Variants in ZFHX4 observed in about 807,000 individuals in gnomAD.
ZFHX4 encodes zinc finger homeobox protein 4.
Under a neutral mutation model 267.6 loss-of-function variants are expected in ZFHX4, and 56 were observed. The observed-to-expected ratio is 0.21, with a 90% CI of 0.17 to 0.26. The LOEUF is 0.26. ZFHX4 is among the 10% of genes least tolerant of loss of function. The pLI is 1.00. For missense variants in ZFHX4, 4,332 were observed against 4,420.0 expected (o/e 0.98, Z 0.56); for synonymous variants, 1,778 against 1,665.6 (o/e 1.07, Z -1.64).
intron 3 of ZFHX4, among the ~76,000 whole-genome samples, chr8:76,771,149 A>C (rs901244594): frequency 2.0e-5 from 3 of 152,132 alleles, no homozygotes; most frequent in African/African-American, 7.2e-5. Context: ...TGCCTTTATC[A>C]GGTTGGCATA....
At position 76,705,682 on chromosome 8, in the gene ZFHX4, G is replaced by A. The variant is rs758397904; in HGVS notation, c.1594G>A (p.Asp532Asn). The A allele has an allele frequency of 6.2e-7, 1 of 1,613,980 alleles. No homozygotes were observed. Among genetic ancestry groups the A allele is most frequent in the South Asian group, 1.1e-5 (1 of 91,074 alleles). The change falls in exon 2 of 11, where the codon GAC (aspartate) becomes AAC (asparagine). Residue 532 changes from aspartate (D) to asparagine (N), a missense_variant. By Grantham distance (23) the Asp-to-Asn change is conservative. Transcript: ENST00000651372. ...GTCCTCCTCGGCGACTGTTTCTGAT[G>A]ACACAGAAAAGAAAAAACAGACTGC... ...TSSSSATVSD[D>N]TEKKKQTAAV...
At chr8:76,694,791 A>G (rs1807914133) in intron 1 of ZFHX4, among the ~76,000 whole-genome samples, 2 of 149,462 alleles carry the variant, frequency 1.3e-5, no homozygotes, top group African/African-American at 4.9e-5. Flanking sequence ...TACAGTGCAT[A>G]TATTCACAAA....
At chr8:76,711,454 A>G (rs952180675) in intron 3 of ZFHX4, among the ~76,000 whole-genome samples, 1 of 152,144 alleles carries the variant, frequency 6.6e-6, no homozygotes, top group Non-Finnish European at 1.5e-5. Context: ...GCTAGCTACA[A>G]TCAATCTTGC....
intron 3 of ZFHX4, among the ~76,000 whole-genome samples, chr8:76,764,668 A>T (rs769714001): frequency 2.0e-5 from 3 of 152,176 alleles, no homozygotes; most frequent in Admixed American, 6.6e-5. Flanking sequence ...GGACCAGTAC[A>T]TTTCAAAAGT....
intron 3 of ZFHX4, among the ~76,000 whole-genome samples, chr8:76,712,546 C>T (rs1480811212): frequency 1.3e-5 from 2 of 150,522 alleles, no homozygotes; most frequent in Admixed American, 1.3e-4. Flanking sequence ...TGTCATTGTC[C>T]CGGTGTGATG....
Position 76,708,030 on chromosome 8 carries a change from G to A in ZFHX4, c.3075G>A (p.Ala1025=), listed in dbSNP as rs376251060. ...RLHTTNHRHE[A]ALKLYKHLQK... The stretch of plus-strand genomic sequence containing the variant: ...ATACCACCAATCACAGGCACGAGGC[G>A]GCCCTGAAGCTCTACAAGGTAAGCA... Residue 1025 remains alanine (A), a synonymous_variant, in exon 3 of 11, where the codon GCG becomes GCA. Transcript: ENST00000651372. 5.5e-5 allele frequency: 89 copies of A among 1,613,380 alleles called. No individual in the cohort carries two copies. The highest frequency in any genetic ancestry group is 4.0e-4 in the African/African-American group (30 of 74,964).
At chr8:76,682,202 G>A (rs925702380) in intron 1 of ZFHX4, among the ~76,000 whole-genome samples, 5 of 152,118 alleles carry the variant, frequency 3.3e-5, no homozygotes, top group Middle Eastern at 3.4e-3. Context: ...GGGGCTGGGA[G>A]CCCCTCTCTC....
chr8:76,862,997 C>A, intron 10 of ZFHX4, 97 bp from the exon 11 acceptor site: 1 of 1,419,892 alleles, frequency 7.0e-7, no homozygotes, highest in Non-Finnish European at 9.2e-7. Flanking sequence ...TCTGATATAG[C>A]AATGTCCTTA....
intron 3 of ZFHX4, among the ~76,000 whole-genome samples, chr8:76,750,966 A>T (rs1313815596): frequency 1.3e-5 from 2 of 152,186 alleles, no homozygotes; most frequent in Non-Finnish European, 2.9e-5. Context: ...GCAGGAGCTG[A>T]TAAGGACAAA....
Position 76,851,465 on chromosome 8 carries a change from C to G in ZFHX4, c.4544C>G (p.Ser1515Cys), listed in dbSNP as rs1812520049. 6.2e-7 allele frequency: 1 copy of G among 1,613,854 alleles called. No individual in the cohort carries two copies. Among genetic ancestry groups the G allele is most frequent in the Middle Eastern group, 1.7e-4 (1 of 6,060 alleles). ...AGCTCTATTCCAGATGACATGGGCT[C>G]TGAACCAAAGCGGACCTTACCTTTT... Reference protein sequence around the residue: ...DSSSIPDDMGSEPKRTLPFRK... With the variant: ...DSSSIPDDMGCEPKRTLPFRK... The change falls in exon 10 of 11, where the codon TCT (serine) becomes TGT (cysteine). Residue 1515 changes from serine to cysteine, a missense_variant. Ser to Cys is a moderately radical substitution (Grantham distance 112). This residue lies in a region of ZFHX4 where 1,371 missense variants were observed against 1,423.1 expected (regional missense o/e 0.96). Transcript: ENST00000651372.
chr8:76,705,033 T>C lies in ZFHX4; in HGVS notation c.945T>C (p.Asn315=). The C allele has an allele frequency of 1.9e-6, 3 of 1,613,952 alleles. No homozygotes were observed. Among genetic ancestry groups the C allele is most frequent in the Non-Finnish European group, 1.7e-6 (2 of 1,179,886 alleles). Residue 315 remains asparagine, a synonymous_variant, in exon 2 of 11, where the codon AAT becomes AAC. Coordinates refer to ENST00000651372, the MANE Select transcript of ZFHX4 (RefSeq NM_024721.5). ...LNDEEQKLLS[N]KCVSAIIQGI... ...ACGAGGAGCAGAAGCTCCTCAGTAATAAATGCGTCTCCGCCATAATACAGG... is the reference window on the plus strand; with the variant it reads ...ACGAGGAGCAGAAGCTCCTCAGTAACAAATGCGTCTCCGCCATAATACAGG...
At chr8:76,737,577 T>A (rs1305541841) in intron 3 of ZFHX4, among the ~76,000 whole-genome samples, 2 of 152,190 alleles carry the variant, frequency 1.3e-5, no homozygotes, top group Non-Finnish European at 2.9e-5. Context: ...ATGGAGCAAG[T>A]TACTTAACCT....
intron 4 of ZFHX4, among the ~76,000 whole-genome samples, chr8:76,802,203 G>A (rs1236872603): frequency 6.6e-6 from 1 of 152,056 alleles, no homozygotes; most frequent in African/African-American, 2.4e-5. Context: ...TTCAGGCAAG[G>A]CAGCCTTCAA....
intron 5 of ZFHX4, chr8:76,834,256 G>A (rs1476946139): frequency 6.7e-6 from 2 of 300,698 alleles, no homozygotes; most frequent in Non-Finnish European, 1.3e-5. Flanking sequence ...ATGCCAAGGA[G>A]TACAATTACT....
intron 4 of ZFHX4, chr8:76,782,042 G>A (rs1372870841): frequency 3.1e-6 from 1 of 325,168 alleles, no homozygotes; most frequent in Non-Finnish European, 6.2e-6. Flanking sequence ...CATTTTACTA[G>A]CTATAATCTC....
rs1280051055 is a variant in ZFHX4, at chr8:76,856,069, T to C, written c.9148T>C (p.Leu3050=). The stretch of plus-strand genomic sequence containing the variant: ...TCAGCTCGATCGGGAGAAAGATTAC[T>C]TGGCTCCGACCACGGTTCGGCAGCT... ...GSQLDREKDY[L]APTTVRQLMA... The change falls in exon 10 of 11, where the codon TTG becomes CTG. Residue 3050 remains leucine, a synonymous_variant. Transcript: ENST00000651372. The C allele has an allele frequency of 1.2e-6, 2 of 1,614,002 alleles. No individual in the cohort carries two copies. Among genetic ancestry groups the C allele is most frequent in the East Asian group, 2.2e-5 (1 of 44,868 alleles).
chr8:76,705,280 A>G lies in ZFHX4; in HGVS notation c.1192A>G (p.Ile398Val). 1 of 1,614,010 alleles carries G rather than the reference A, an allele frequency of 6.2e-7. No individual in the cohort carries two copies. The change falls in exon 2 of 11, where the codon ATT becomes GTT. Residue 398 changes from isoleucine to valine, a missense_variant. Transcript: ENST00000651372. ...TSSSAEQPLGITQMPKAEVNL... is the reference protein window; with the variant it reads ...TSSSAEQPLGVTQMPKAEVNL... The stretch of plus-strand genomic sequence containing the variant: ...GAGCTCAGCAGAGCAGCCGCTGGGG[A>G]TTACCCAAATGCCAAAGGCTGAAGT...
intron 3 of ZFHX4, among the ~76,000 whole-genome samples, chr8:76,726,466 G>A (rs1296908423): frequency 6.6e-6 from 1 of 152,300 alleles, no homozygotes; most frequent in South Asian, 2.1e-4. Flanking sequence ...GGAAATGAAA[G>A]TGTAAATTAT....
intron 3 of ZFHX4, among the ~76,000 whole-genome samples, chr8:76,710,976 T>C (rs550063147): frequency 3.0e-4 from 45 of 152,256 alleles, no homozygotes; most frequent in African/African-American, 1.1e-3. Context: ...TAACATTAGA[T>C]GTATGCTAGT....
Sources: gnomAD v4.1 joint callset for allele counts (sites outside exome capture counted in the v4.1 genomes callset) on GRCh38, gnomAD v4.1.1 for gene constraint, gnomAD v4.1.1 regional missense constraint, MANE v1.5 for transcripts, NCBI Gene and HGNC (gene_info 2026-07-23, HGNC 2026-07-21) for gene names.